Variants in NPSR1 observed in about 807,000 individuals in gnomAD.
NPSR1 encodes neuropeptide S receptor 1.
Under a neutral mutation model 46.9 loss-of-function variants are expected in NPSR1, and 48 were observed. The observed-to-expected ratio is 1.02, with a 90% confidence interval of 0.81 to 1.30. The LOEUF (loss-of-function observed/expected upper bound fraction) is 1.30, where lower values mean the gene tolerates loss of function less well. Among genes scored for constraint, NPSR1 ranks in the 50% most tolerant of loss-of-function variants. The pLI, the probability that NPSR1 is intolerant of heterozygous loss-of-function variation, is 0.00. For missense variants in NPSR1, 450 were observed against 449.5 expected (o/e 1.00, Z -0.01); for synonymous variants, 176 against 168.1 (o/e 1.05, Z -0.36).
At chr7:34,777,291 T>C (rs1787007534) in intron 2 of NPSR1, among the ~76,000 whole-genome samples, 1 of 152,144 alleles carries the variant, frequency 6.6e-6, no homozygotes, top group Admixed American at 6.5e-5. Context: ...CTAGAGCTAA[T>C]ATAAATGCTG....
At chr7:34,764,061 C>T (rs1238093776) in intron 2 of NPSR1, among the ~76,000 whole-genome samples, 1 of 151,972 alleles carries the variant, frequency 6.6e-6, no homozygotes, top group Non-Finnish European at 1.5e-5. Flanking sequence ...TTAAAGAAAC[C>T]CAAACTGGAA....
intron 3 of NPSR1, among the ~76,000 whole-genome samples, chr7:34,806,039 A>T (rs1456927014): frequency 3.3e-5 from 5 of 152,066 alleles, no homozygotes; most frequent in Non-Finnish European, 5.9e-5. Flanking sequence ...CCAATGGCTG[A>T]TGAGGATGAA....
At chr7:34,831,557 T>C (rs553748273) in intron 5 of NPSR1, among the ~76,000 whole-genome samples, 1 of 152,196 alleles carries the variant, frequency 6.6e-6, no homozygotes, top group Non-Finnish European at 1.5e-5. Flanking sequence ...TGCGTATGAA[T>C]AAAGATGTAG....
intron 8 of NPSR1, among the ~76,000 whole-genome samples, chr7:34,872,098 T>C (rs567788521): frequency 1.1e-4 from 16 of 152,086 alleles, no homozygotes; most frequent in Admixed American, 1.0e-3. Flanking sequence ...AGCTCTTCCA[T>C]AATCATCTGA....
At chr7:34,830,547 T>C (rs995435460) in intron 5 of NPSR1, among the ~76,000 whole-genome samples, 1 of 152,240 alleles carries the variant, frequency 6.6e-6, no homozygotes, top group Non-Finnish European at 1.5e-5. Flanking sequence ...ATTTTCTCTA[T>C]TCTCTATCTT....
At chr7:34,846,434 G>C (rs918189475) in intron 7 of NPSR1, among the ~76,000 whole-genome samples, 1 of 151,852 alleles carries the variant, frequency 6.6e-6, no homozygotes, top group Non-Finnish European at 1.5e-5. Flanking sequence ...TACCTACCAT[G>C]ATCATTTAAA....
intron 2 of NPSR1, chr7:34,750,911 C>G: frequency 1.4e-6 from 1 of 732,690 alleles, no homozygotes; most frequent in Non-Finnish European, 2.6e-6. Flanking sequence ...AAGGCACTTC[C>G]TCCACCCCCA....
intron 2 of NPSR1, among the ~76,000 whole-genome samples, chr7:34,691,879 G>T (rs1410081734): frequency 6.6e-6 from 1 of 152,282 alleles, no homozygotes; most frequent in East Asian, 1.9e-4. Context: ...ACTTTGAGGG[G>T]CTGAGGTGGT....
intron 1 of NPSR1, among the ~76,000 whole-genome samples, chr7:34,675,810 G>C (rs1269510567): frequency 1.3e-5 from 2 of 152,226 alleles, no homozygotes; most frequent in Non-Finnish European, 2.9e-5. Context: ...GAGGTGAAAA[G>C]CCAATCAGTC....
At chr7:34,831,765 A>T (rs1199704955) in intron 5 of NPSR1, among the ~76,000 whole-genome samples, 1 of 152,028 alleles carries the variant, frequency 6.6e-6, no homozygotes, top group Non-Finnish European at 1.5e-5. Context: ...TTTTCTTGCT[A>T]CCTAATTGAT....
intron 4 of NPSR1, among the ~76,000 whole-genome samples, chr7:34,813,707 A>G (rs1423078712): frequency 2.0e-5 from 3 of 152,182 alleles, no homozygotes; most frequent in Non-Finnish European, 4.4e-5. Context: ...TATTTGCAAA[A>G]ACACACAAAA....
At position 34,684,600 on chromosome 7, in the gene NPSR1, G is replaced by A. The variant is rs116766176; in HGVS notation, c.196G>A (p.Gly66Arg). Residue 66 changes from glycine (G) to arginine (R), a missense_variant, in exon 2 of 9, where the codon GGA becomes AGA. Coordinates refer to ENST00000360581, the MANE Select transcript of NPSR1 (RefSeq NM_207172.2). ...GGTCCTCTTTGTTTTTACCATTGTTGGAAACTCCGTTGTGCTTTTTTCCAC... is the reference window on the plus strand; with the variant it reads ...GGTCCTCTTTGTTTTTACCATTGTTAGAAACTCCGTTGTGCTTTTTTCCAC... ...LWVLFVFTIV[G>R]NSVVLFSTWR... The A allele has an allele frequency of 1.1e-5, 18 of 1,613,510 alleles. No individual in the cohort carries two copies. The African/African-American group carries it at 2.3e-4, about 20-fold the overall frequency.
At chr7:34,868,402 G>A (rs1791369350) in intron 8 of NPSR1, among the ~76,000 whole-genome samples, 1 of 151,550 alleles carries the variant, frequency 6.6e-6, no homozygotes, top group Non-Finnish European at 1.5e-5. Context: ...AATCAAAGTT[G>A]GGAATTACAG....
chr7:34,748,743 A>G (rs1416098447), intron 2 of NPSR1, among the ~76,000 whole-genome samples: 1 of 152,046 alleles, frequency 6.6e-6, no homozygotes, highest in Non-Finnish European at 1.5e-5. Context: ...AGCAGGTGGA[A>G]GAGGCTTTGC....
chr7:34,793,443 T>G (rs972745813), intron 3 of NPSR1, among the ~76,000 whole-genome samples: 1 of 151,924 alleles, frequency 6.6e-6, no homozygotes. Context: ...AAAGAAGACA[T>G]ACAAATGGGC....
intron 2 of NPSR1, among the ~76,000 whole-genome samples, chr7:34,705,449 A>AG (rs1295768334): frequency 6.6e-6 from 1 of 151,602 alleles, no homozygotes; most frequent in African/African-American, 2.4e-5. Context: ...AAAAAAAAAA[A>AG]AAAGAGAGAA....
chr7:34,792,703 A>ATATATATATTTTTATATATATATG (rs57249705), intron 3 of NPSR1, among the ~76,000 whole-genome samples: 4 of 88,562 alleles, frequency 4.5e-5, no homozygotes, highest in African/African-American at 1.1e-4. Flanking sequence ...ATATATACGT[A>ATATATATATTTTTATATATATATG]TATATATATA....
chr7:34,659,938 G>A (rs1182462889), intron 1 of NPSR1, among the ~76,000 whole-genome samples: 1 of 152,126 alleles, frequency 6.6e-6, no homozygotes, highest in Non-Finnish European at 1.5e-5. Context: ...AATGAAGAGA[G>A]GCCCTCCATT....
At chr7:34,860,481 C>T (rs1233597234) in intron 8 of NPSR1, among the ~76,000 whole-genome samples, 1 of 151,748 alleles carries the variant, frequency 6.6e-6, no homozygotes, top group Non-Finnish European at 1.5e-5. Context: ...ATGAAAATAA[C>T]TATTTTCAAC....
Sources: gnomAD v4.1 joint callset for allele counts (sites outside exome capture counted in the v4.1 genomes callset) on GRCh38, gnomAD v4.1.1 for gene constraint, MANE v1.5 for transcripts, NCBI Gene and HGNC (gene_info 2026-07-23, HGNC 2026-07-21) for gene names.